SCN4A: variants seen among roughly 807,000 people sequenced by gnomAD.
SCN4A encodes sodium channel protein type 4 subunit alpha.
A neutral mutation model predicts 162.0 loss-of-function variants in SCN4A; 83 were observed. The ratio of observed to expected loss-of-function variants is 0.51; its 90% CI spans 0.43 to 0.61. The LOEUF is 0.61. Ranked by LOEUF, SCN4A falls within the 20% of genes least tolerant of loss-of-function variation. The pLI is 0.00. For missense variants in SCN4A, 2,196 were observed against 2,462.5 expected, an observed-to-expected ratio of 0.89 and a Z score of 2.29; for synonymous variants, 944 against 985.1, an observed-to-expected ratio of 0.96 and a Z score of 0.78.
rs377617612 is a variant in SCN4A, at chr17:63,963,669, C to T, written c.1606+3G>A. On this transcript the variant is annotated splice_donor_region_variant and intron_variant, in intron 10 of 23. Transcript: ENST00000435607. ...AGTGGGCACGGGGGCACAAGGCACT[C>T]ACCTTCCATGGCGTCGGAGATGCCG... 3.8e-6 allele frequency: 6 copies of T among 1,568,106 alleles called. No individual in the cohort carries two copies. Among genetic ancestry groups the T allele is most frequent in the Non-Finnish European group, 5.2e-6 (6 of 1,156,950 alleles).
intron 7 of SCN4A, 97 bp downstream of exon 7, chr17:63,966,384 C>T: frequency 2.8e-6 from 4 of 1,406,850 alleles, no homozygotes; most frequent in Non-Finnish European, 4.0e-6. Context: ...CCACAGGTTT[C>T]CCTGCACTCC....
In SCN4A at chr17:63,951,946, C is replaced by T; in HGVS notation, c.2377-46G>A. ...GAGCCTCACATCAGTCCCCGGGACCCAGAGGGTGCCACCTTCAGCCAGCAC... is the reference window on the plus strand; with the variant it reads ...GAGCCTCACATCAGTCCCCGGGACCTAGAGGGTGCCACCTTCAGCCAGCAC... On this transcript the variant is annotated intron_variant, in intron 13 of 23. Coordinates refer to ENST00000435607, the MANE Select transcript of SCN4A (RefSeq NM_000334.4). The surrounding 1 kb of genome is among the most constrained non-coding windows in gnomAD (Gnocchi z 4.5). The T allele has an allele frequency of 1.6e-6, 2 of 1,238,762 alleles. No homozygotes were observed. The highest frequency in any genetic ancestry group is 2.2e-6 in the Non-Finnish European group (2 of 903,112). 76.7% of individuals were successfully genotyped at this position (1,238,762 alleles called of 1,614,324 possible). A position where few individuals can be genotyped will look rare whatever the true frequency, so the allele number is the denominator to read the frequency against.
In SCN4A at chr17:63,972,486, G is replaced by A. The variant is rs1472254917; in HGVS notation, c.274-16C>T. The A allele has an allele frequency of 1.2e-6, 2 of 1,612,212 alleles. No homozygotes were observed. The highest frequency in any genetic ancestry group is 1.7e-6 in the Non-Finnish European group (2 of 1,179,052). The stretch of plus-strand genomic sequence containing the variant: ...CGATGAAGGTCTAAGGTGGGAGAGA[G>A]GCTGTGAGACCCAGGGACAGACAGA... On this transcript the variant is annotated splice_polypyrimidine_tract_variant and intron_variant, in intron 1 of 23. Coordinates refer to ENST00000435607, the MANE Select transcript of SCN4A (RefSeq NM_000334.4). The surrounding 1 kb of genome is among the most constrained non-coding windows in gnomAD (Gnocchi z 4.3).
chr17:63,962,843 TC>T (rs1342211869), intron 10 of SCN4A, among the ~76,000 whole-genome samples: 1 of 152,086 alleles, frequency 6.6e-6, no homozygotes, highest in African/African-American at 2.4e-5. Context: ...CCCCCAGCAT[TC>T]CCTGGGTACC....
At chr17:63,948,183 G>T in intron 16 of SCN4A, 120 bp from the exon 17 acceptor site, 1 of 728,858 alleles carries the variant, frequency 1.4e-6, no homozygotes, top group Non-Finnish European at 2.1e-6. Context: ...CCAGCCCAAG[G>T]GACAGGCTGT....
In SCN4A at chr17:63,942,988, T is replaced by C. The variant is rs2058194; in HGVS notation, c.4126A>G (p.Asn1376Asp). ...NMVTMMVETDNQSQLKVDILY... is the reference protein window; with the variant it reads ...NMVTMMVETDDQSQLKVDILY... ...ATGTCCACCTTGAGCTGGCTCTGGT[T>C]GTCTGTCTCCACCATCATGGTGACC... The change falls in exon 23 of 24, where the codon AAC becomes GAC. Residue 1376 changes from asparagine (N) to aspartate (D), a missense_variant. By Grantham distance (23) the Asn-to-Asp change is conservative (BLOSUM62 1). Transcript: ENST00000435607. 0.53 allele frequency: 861,406 copies of C among 1,613,618 alleles called. 233,301 individuals carry two copies. Among genetic ancestry groups the C allele is most frequent in the African/African-American group, 0.74 (55,156 of 74,962 alleles).
rs759217703 is a variant in SCN4A at position 63,971,172 on chromosome 17, C to T, written c.693G>A (p.Thr231=). 7.1e-6 allele frequency: 11 copies of T among 1,556,846 alleles called. No homozygotes were observed. The highest frequency in any genetic ancestry group is 2.4e-5 in the East Asian group (1 of 41,642). Residue 231 remains threonine, a synonymous_variant, in exon 5 of 24, where the codon ACG becomes ACA. Coordinates refer to ENST00000435607, the MANE Select transcript of SCN4A (RefSeq NM_000334.4). The stretch of plus-strand genomic sequence containing the variant: ...GCACCTCCCCAGTACCTGGGATGAC[C>T]GTGATGGTTTTGAGGGCCCGCAGCA... ...FRVLRALKTI[T]VIPGLKTIVG...
rs141215137 is a variant in SCN4A, at chr17:63,942,899, G to T, written c.4215C>A (p.Leu1405=). 7.4e-6 allele frequency: 12 copies of T among 1,613,902 alleles called. No homozygotes were observed. The highest frequency in any genetic ancestry group is 9.3e-6 in the Non-Finnish European group (11 of 1,179,886). The part of the protein sequence containing the change: ...IFTGECVLKM[L]ALRQYYFTVG... ...CGGTGAAGTAGTACTGGCGCAGGGC[G>T]AGCATCTTGAGCACGCACTCCCCTG... The change falls in exon 23 of 24, where the codon CTC becomes CTA. Residue 1405 remains leucine, a synonymous_variant. Transcript: ENST00000435607.
At position 63,966,388 on chromosome 17, in the gene SCN4A, G is replaced by A. The variant is rs1597984051; in HGVS notation, c.1100+93C>T. On this transcript the variant is annotated intron_variant, in intron 7 of 23. Coordinates refer to ENST00000435607, the MANE Select transcript of SCN4A (RefSeq NM_000334.4). ...TCCATCCATGCCCACAGGTTTCCCTGCACTCCCATGCCCCCCAGGTCCTCA... is the reference window on the plus strand; with the variant it reads ...TCCATCCATGCCCACAGGTTTCCCTACACTCCCATGCCCCCCAGGTCCTCA... 2.1e-5 allele frequency: 30 copies of A among 1,410,424 alleles called. No individual in the cohort carries two copies. In the East Asian group the frequency reaches 6.7e-4, roughly 31 times the overall value. The allele number at this position is 1,410,424 out of a possible 1,614,324, so 87.4% of individuals were successfully genotyped here. A position where few individuals can be genotyped will look rare whatever the true frequency, so the allele number is the denominator to read the frequency against.
At chr17:63,964,191 G>C (rs1909359286) in intron 9 of SCN4A, among the ~76,000 whole-genome samples, 1 of 152,178 alleles carries the variant, frequency 6.6e-6, no homozygotes, top group African/African-American at 2.4e-5. Context: ...AAATATTTGA[G>C]CTGGAAGAAT....
At chr17:63,961,772 T>C in intron 10 of SCN4A, 1 of 275,346 alleles carries the variant, frequency 3.6e-6, no homozygotes, top group Non-Finnish European at 6.6e-6. Flanking sequence ...CTCCGCCCTC[T>C]ACTTCAAGTT....
chr17:63,969,375 C>T (rs1300313469), intron 5 of SCN4A, among the ~76,000 whole-genome samples: 1 of 152,178 alleles, frequency 6.6e-6, no homozygotes, highest in Admixed American at 6.5e-5. Flanking sequence ...ATCGTAGTGC[C>T]TCTTGCGTTA....
chr17:63,940,866 C>T lies in SCN4A; in HGVS notation c.5416G>A (p.Gly1806Arg). 6.2e-7 allele frequency: 1 copy of T among 1,613,706 alleles called. No homozygotes were observed. Among genetic ancestry groups the T allele is most frequent in the South Asian group, 1.1e-5 (1 of 91,074 alleles). The change falls in exon 24 of 24, where the codon GGG becomes AGG. Residue 1806 changes from glycine (G) to arginine (R), a missense_variant. Transcript: ENST00000435607. ...TCTGAGGGGCTGATGGGCATCAGCCCCATAGTGGGTCCGGCGTCCCCTGCC... is the reference window on the plus strand; with the variant it reads ...TCTGAGGGGCTGATGGGCATCAGCCTCATAGTGGGTCCGGCGTCCCCTGCC... ...GEAGDAGPTM[G>R]LMPISPSDTA...
chr17:63,940,800 G>T lies in SCN4A; in HGVS notation c.5482C>A (p.Arg1828Ser). 6.3e-7 allele frequency: 1 copy of T among 1,588,958 alleles called. No homozygotes were observed. Among genetic ancestry groups the T allele is most frequent in the Non-Finnish European group, 8.6e-7 (1 of 1,165,566 alleles). ...PPAPPPGQTV[R>S]PGVKESLV is the part of the protein sequence containing the mutation. ...ACAAGAGACTCCTTGACACCTGGGC[G>T]CACAGTCTGCCCTGGGGGAGGGGCG... is the stretch of plus-strand genomic sequence containing the variant. The change falls in exon 24 of 24, where the codon CGC becomes AGC. Residue 1828 changes from arginine to serine, a missense_variant. By Grantham distance (110) the Arg-to-Ser change is moderately radical. Coordinates refer to ENST00000435607, the MANE Select transcript of SCN4A (RefSeq NM_000334.4).
intron 5 of SCN4A, among the ~76,000 whole-genome samples, chr17:63,969,374 C>T (rs1909550272): frequency 6.6e-6 from 1 of 152,182 alleles, no homozygotes; most frequent in Non-Finnish European, 1.5e-5. Context: ...AATCGTAGTG[C>T]CTCTTGCGTT....
chr17:63,951,987 A>G lies in SCN4A; in HGVS notation c.2377-87T>C. 4.1e-6 allele frequency: 3 copies of G among 726,076 alleles called. No homozygotes were observed. The highest frequency in any genetic ancestry group is 6.7e-6 in the Non-Finnish European group (3 of 450,114). 45.0% of individuals were successfully genotyped at this position (726,076 alleles called of 1,614,324 possible). ...CAGCCAGCACAGGGGTCCTCGGTCT[A>G]CAGATCCAAACTACCACATGTTGGG... On this transcript the variant is annotated intron_variant, in intron 13 of 23. Coordinates refer to ENST00000435607, the MANE Select transcript of SCN4A (RefSeq NM_000334.4). The surrounding 1 kb of genome is among the most constrained non-coding windows in gnomAD (Gnocchi z 4.5).
chr17:63,952,875 A>G (rs957064236), intron 13 of SCN4A, among the ~76,000 whole-genome samples: 1 of 152,144 alleles, frequency 6.6e-6, no homozygotes, highest in Non-Finnish European at 1.5e-5. Context: ...GATCAATCAC[A>G]TGCAATACTG....
intron 13 of SCN4A, among the ~76,000 whole-genome samples, chr17:63,953,854 C>A (rs1908991247): frequency 6.6e-6 from 1 of 152,130 alleles, no homozygotes; most frequent in Non-Finnish European, 1.5e-5. Context: ...AGGACTCGAA[C>A]CAGGATTCTA....
chr17:63,964,762 C>T lies in SCN4A; in HGVS notation c.1243-85G>A, dbSNP rs1375711410. ...TGCCCCTTTCCATACATCCATTGCC[C>T]GCATGGGTAAGCAGAGCCCCTCCCT... On this transcript the variant is annotated intron_variant, in intron 8 of 23. Transcript: ENST00000435607. The T allele has an allele frequency of 1.3e-5, 14 of 1,069,386 alleles. No homozygotes were observed. The South Asian group carries it at 1.9e-4, about 14-fold the overall frequency. The allele number at this position is 1,069,386 out of a possible 1,614,324, so 66.2% of individuals were successfully genotyped here. A position where few individuals can be genotyped will look rare whatever the true frequency, so the allele number is the denominator to read the frequency against.
Sources: gnomAD v4.1 joint callset for allele counts (sites outside exome capture counted in the v4.1 genomes callset) on GRCh38, gnomAD v4.1.1 for gene constraint, Gnocchi (gnomAD v3.1) non-coding constraint, MANE v1.5 for transcripts, NCBI Gene and HGNC (gene_info 2026-07-23, HGNC 2026-07-21) for gene names.